ELMO1: variants seen among roughly 807,000 people sequenced by gnomAD.
ELMO1 encodes the protein engulfment and cell motility protein 1.
Under a neutral mutation model 98.9 loss-of-function variants are expected in ELMO1, and 26 were observed. The ratio of observed to expected loss-of-function variants is 0.26; its 90% confidence interval spans 0.19 to 0.36. ELMO1 has a LOEUF of 0.36. Ranked by LOEUF, ELMO1 falls within the 10% of genes least tolerant of loss-of-function variation. The pLI, the probability that ELMO1 is intolerant of heterozygous loss-of-function variation, is 1.00. For synonymous variants in ELMO1, 346 were observed against 346.0 expected, an observed-to-expected ratio of 1.00 and a Z score of 0.00; for missense variants, 627 against 935.2, an observed-to-expected ratio of 0.67 and a Z score of 4.30.
chr7:36,943,330 T>C (rs1182488582), intron 16 of ELMO1, among the ~76,000 whole-genome samples: 1 of 152,240 alleles, frequency 6.6e-6, no homozygotes, highest in Non-Finnish European at 1.5e-5. Context: ...GGTGTTTATA[T>C]AAATCCAGTC....
At chr7:37,258,209 A>C (rs994930220) in intron 6 of ELMO1, among the ~76,000 whole-genome samples, 3 of 152,112 alleles carry the variant, frequency 2.0e-5, no homozygotes, top group Non-Finnish European at 2.9e-5. Flanking sequence ...CAGAGCTTGC[A>C]GTGAACCGAG....
At chr7:37,383,025 A>G (rs1802643368) in intron 1 of ELMO1, among the ~76,000 whole-genome samples, 1 of 152,236 alleles carries the variant, frequency 6.6e-6, no homozygotes, top group South Asian at 2.1e-4. Flanking sequence ...ACTTCAATGT[A>G]TATTTCTAAA....
At chr7:37,188,577 GTATT>G (rs920436194) in intron 13 of ELMO1, among the ~76,000 whole-genome samples, 15 of 150,960 alleles carry the variant, frequency 9.9e-5, no homozygotes, top group Non-Finnish European at 2.2e-4. Flanking sequence ...GTGGCTGTGG[GTATT>G]TAGAGAAAAG....
At chr7:37,377,211 G>A (rs989865647) in intron 1 of ELMO1, among the ~76,000 whole-genome samples, 1 of 152,100 alleles carries the variant, frequency 6.6e-6, no homozygotes, top group Non-Finnish European at 1.5e-5. Context: ...AGTTTCTACC[G>A]AATGCTTATT....
At chr7:36,867,118 G>A (rs1414761868) in intron 20 of ELMO1, among the ~76,000 whole-genome samples, 3 of 152,106 alleles carry the variant, frequency 2.0e-5, no homozygotes, top group African/African-American at 7.2e-5. Flanking sequence ...GGGCCAGTGA[G>A]TCCCAGGAAG....
chr7:37,379,288 C>T (rs1277608125), intron 1 of ELMO1, among the ~76,000 whole-genome samples: 1 of 152,170 alleles, frequency 6.6e-6, no homozygotes, highest in Non-Finnish European at 1.5e-5. Flanking sequence ...GATCCACCCA[C>T]CTCGGCCTCC....
intron 13 of ELMO1, among the ~76,000 whole-genome samples, chr7:37,201,893 T>C (rs1792319413): frequency 6.6e-6 from 1 of 152,174 alleles, no homozygotes; most frequent in Non-Finnish European, 1.5e-5. Flanking sequence ...TCCGGTCTGA[T>C]CAAAGTGTCA....
chr7:37,197,449 T>C (rs917220088), intron 13 of ELMO1, among the ~76,000 whole-genome samples: 2 of 152,210 alleles, frequency 1.3e-5, no homozygotes, highest in Non-Finnish European at 2.9e-5. Flanking sequence ...AGTCTGGACG[T>C]CGTGCTCACA....
At chr7:36,860,379 T>C (rs1319095876) in intron 21 of ELMO1, among the ~76,000 whole-genome samples, 1 of 152,204 alleles carries the variant, frequency 6.6e-6, no homozygotes, top group African/African-American at 2.4e-5. Context: ...TAATAGAACT[T>C]TCTATTGTAT....
intron 15 of ELMO1, among the ~76,000 whole-genome samples, chr7:37,033,156 C>T (rs1227296681): frequency 6.6e-6 from 1 of 152,104 alleles, no homozygotes; most frequent in African/African-American, 2.4e-5. Context: ...GAAATGCATG[C>T]ATATACGTCT....
intron 5 of ELMO1, chr7:37,271,174 C>T (rs998174775): frequency 1.1e-4 from 17 of 152,554 alleles, no homozygotes; most frequent in African/African-American, 4.1e-4. Context: ...CTCCTGACCT[C>T]CTGATCCACC....
chr7:37,267,048 C>T (rs868319974), intron 5 of ELMO1, among the ~76,000 whole-genome samples: 2,181 of 120,876 alleles, frequency 0.018, 180 homozygotes, highest in South Asian at 0.041. Flanking sequence ...TACACACACA[C>T]ACACACACAC....
chr7:36,993,146 AG>A (rs1222195800), intron 16 of ELMO1, among the ~76,000 whole-genome samples: 2 of 152,122 alleles, frequency 1.3e-5, no homozygotes, highest in Admixed American at 1.3e-4. Context: ...CATGTTCTGA[AG>A]GGGGTGGACA....
chr7:37,210,348 A>G (rs1226803790), intron 13 of ELMO1, among the ~76,000 whole-genome samples: 1 of 152,154 alleles, frequency 6.6e-6, no homozygotes, highest in African/African-American at 2.4e-5. Context: ...AAATAATGAA[A>G]AACAAATCAG....
intron 15 of ELMO1, among the ~76,000 whole-genome samples, chr7:37,029,452 G>A (rs1584537248): frequency 6.6e-6 from 1 of 151,622 alleles, no homozygotes; most frequent in African/African-American, 2.4e-5. Context: ...TGTAAGTACT[G>A]GATTTCTTTA....
chr7:37,194,339 G>C (rs1437828587), intron 13 of ELMO1, among the ~76,000 whole-genome samples: 1 of 152,150 alleles, frequency 6.6e-6, no homozygotes, highest in East Asian at 1.9e-4. Context: ...TGCAGAAAGA[G>C]CAACCCAGCT....
chr7:36,892,202 G>A (rs919487251), intron 17 of ELMO1, among the ~76,000 whole-genome samples: 7 of 152,202 alleles, frequency 4.6e-5, no homozygotes, highest in African/African-American at 1.7e-4. Context: ...ACCATGCTGT[G>A]TGTGGCACAC....
chr7:37,299,851 C>T (rs1198351594), intron 4 of ELMO1, among the ~76,000 whole-genome samples: 2 of 19,232 alleles, frequency 1.0e-4, no homozygotes, highest in African/African-American at 2.0e-4. Flanking sequence ...CTGTAAATTA[C>T]CTTGGGCAGT....
intron 2 of ELMO1, among the ~76,000 whole-genome samples, chr7:37,332,899 C>T (rs984158278): frequency 5.9e-5 from 9 of 152,136 alleles, no homozygotes; most frequent in Non-Finnish European, 1.3e-4. Context: ...AGCTGTTATG[C>T]TACTGAAGCC....
Sources: allele counts gnomAD v4.1 joint callset (sites outside exome capture counted in the v4.1 genomes callset), GRCh38; gene constraint gnomAD v4.1.1; transcripts MANE v1.5; gene names NCBI Gene and HGNC (gene_info 2026-07-23, HGNC 2026-07-21).